Variants in TRIM8 observed in about 807,000 individuals in gnomAD.
TRIM8 encodes the protein E3 ubiquitin-protein ligase TRIM8.
In TRIM8, 9 loss-of-function variants were observed where a neutral mutation model predicts 55.7. That is an observed-to-expected ratio of 0.16 (90% confidence interval 0.10 to 0.28). The LOEUF is 0.28. Ranked by LOEUF, TRIM8 falls within the 10% of genes least tolerant of loss-of-function variation. The pLI, the probability that TRIM8 is intolerant of heterozygous loss-of-function variation, is 1.00. For missense variants in TRIM8, 556 were observed against 736.4 expected (o/e 0.76, Z 2.83); for synonymous variants, 335 against 333.3 (o/e 1.01, Z -0.06).
At chr10:102,645,406 C>T (rs1303307761) in intron 1 of TRIM8, 2 of 512,562 alleles carry the variant, frequency 3.9e-6, no homozygotes, top group East Asian at 3.4e-5. Flanking sequence ...CGCACAGGGT[C>T]CGTCTTCTGA....
rs201630301 is a variant in TRIM8, at chr10:102,657,312, G to C, written c.1614G>C (p.Arg538Ser). The C allele has an allele frequency of 6.2e-7, 1 of 1,609,982 alleles. No individual in the cohort carries two copies. Among genetic ancestry groups the C allele is most frequent in the East Asian group, 2.2e-5 (1 of 44,828 alleles). ...SQQPGHQDFY[R>S]VYGQPSTKHY... ...AGCCCGGCCACCAGGATTTCTACAGGGTGTATGGGCAGCCGTCCACCAAAC... is the reference window on the plus strand; with the variant it reads ...AGCCCGGCCACCAGGATTTCTACAGCGTGTATGGGCAGCCGTCCACCAAAC... Residue 538 changes from arginine to serine, a missense_variant, in exon 6 of 6, where the codon AGG (arginine) becomes AGC (serine). By Grantham distance (110) the Arg-to-Ser change is moderately radical. Transcript: ENST00000643721.
At chr10:102,654,784 T>G (rs2135983073) in intron 2 of TRIM8, 36 bp downstream of exon 2, 152 of 1,509,020 alleles carry the variant, frequency 1.0e-4, no homozygotes, top group Non-Finnish European at 1.3e-4. Context: ...GGGGTGGGGG[T>G]GGCTTGAGCG....
rs981532089 is a variant in TRIM8, at chr10:102,656,605, A to G, written c.1049-142A>G. 24 of 1,369,486 alleles carry G rather than the reference A, an allele frequency of 1.8e-5. No homozygotes were observed. In the African/African-American group the frequency reaches 2.3e-4, roughly 13 times the overall value. The allele number at this position is 1,369,486 out of a possible 1,614,324, so 84.8% of individuals were successfully genotyped here. On this transcript the variant is annotated intron_variant, in intron 5 of 5. Transcript: ENST00000643721. This position sits in a 1 kb window ranked among gnomAD's most constrained non-coding sequence, Gnocchi z 4.6. The stretch of plus-strand genomic sequence containing the variant: ...GGGATATAACTATTCTGTACCTCCT[A>G]ATGGTAGAGGAGCAAGCATCACCTG...
chr10:102,650,083 G>GGACT (rs2063972046), intron 1 of TRIM8, among the ~76,000 whole-genome samples: 1 of 151,828 alleles, frequency 6.6e-6, no homozygotes, highest in African/African-American at 2.4e-5. Context: ...GAAAACCTAG[G>GGACT]GACTGCCTCT....
At position 102,653,624 on chromosome 10, in the gene TRIM8, C is replaced by G. The variant is rs574313133; in HGVS notation, c.571-1029C>G. On this transcript the variant is annotated intron_variant, in intron 1 of 5. Transcript: ENST00000643721. Reference sequence around the variant, plus strand: ...ACTTTGGTCCAGCACCTTCCAGCAGCCTGGCCTCAGGTCTTAGGAGACCTC... The same window carrying G: ...ACTTTGGTCCAGCACCTTCCAGCAGGCTGGCCTCAGGTCTTAGGAGACCTC... The G allele has an allele frequency of 7.7e-4, 117 of 152,456 alleles. 1 individual carries two copies. The highest frequency in any genetic ancestry group is 2.2e-3 in the Admixed American group (33 of 15,290). The allele number at this position is 152,456 out of a possible 1,614,324, so 9.4% of individuals were successfully genotyped here. A position where few individuals can be genotyped will look rare whatever the true frequency, so the allele number is the denominator to read the frequency against.
chr10:102,655,254 A>C lies in TRIM8; in HGVS notation c.841A>C (p.Lys281Gln). The C allele has an allele frequency of 6.2e-7, 1 of 1,600,196 alleles. No homozygotes were observed. Among genetic ancestry groups the C allele is most frequent in the Non-Finnish European group, 8.5e-7 (1 of 1,176,464 alleles). The change falls in exon 3 of 6, where the codon AAG becomes CAG. Residue 281 changes from lysine to glutamine, a missense_variant. By Grantham distance (53) the Lys-to-Gln change is moderately conservative. Transcript: ENST00000643721. Reference protein sequence around the residue: ...HLGERMQEAKKLLGSLQLLFD... With the variant: ...HLGERMQEAKQLLGSLQLLFD... ...CGGGGAGCGCATGCAGGAGGCCAAG[A>C]AGCTGCTGGGCTCCCTGCAGCTGCT... is the stretch of plus-strand genomic sequence containing the variant.
chr10:102,648,194 C>G (rs2063951217), intron 1 of TRIM8, among the ~76,000 whole-genome samples: 3 of 152,138 alleles, frequency 2.0e-5, no homozygotes, highest in Admixed American at 6.5e-5. Context: ...CCTGAGTGGT[C>G]AGACCCCTCC....
At position 102,654,491 on chromosome 10, in the gene TRIM8, G is replaced by A. The variant is rs979171545; in HGVS notation, c.571-162G>A. On this transcript the variant is annotated intron_variant, in intron 1 of 5. Transcript: ENST00000643721. ...GGGAAGCTATTCTGGGGAGAGCTGG[G>A]AATAGGCCCCTGGGATTGGAGGGGG... 1.2e-5 allele frequency: 8 copies of A among 668,894 alleles called. 2 individuals are homozygous for A. In the South Asian group the frequency reaches 1.3e-4, roughly 10 times the overall value. 41.4% of individuals were successfully genotyped at this position (668,894 alleles called of 1,614,324 possible). A position where few individuals can be genotyped will look rare whatever the true frequency, so the allele number is the denominator to read the frequency against.
chr10:102,644,979 C>T lies in TRIM8; in HGVS notation c.362C>T (p.Thr121Met), dbSNP rs1184476198. 1.9e-6 allele frequency: 3 copies of T among 1,598,938 alleles called. No homozygotes were observed. The highest frequency in any genetic ancestry group is 2.6e-6 in the Non-Finnish European group (3 of 1,174,716). Reference protein sequence around the residue: ...EAPCCQSHVQTHLQQPSTARG... With the variant: ...EAPCCQSHVQMHLQQPSTARG... ...CCCTGCTGCCAGTCCCACGTGCAGA[C>T]GCACCTGCAGCAGCCCTCCACCGCC... The change falls in exon 1 of 6, where the codon ACG (threonine) becomes ATG (methionine). Residue 121 changes from threonine (T) to methionine (M), a missense_variant. This residue lies in a region of TRIM8 where 165 missense variants were observed against 295.3 expected (regional missense o/e 0.56). Transcript: ENST00000643721.
rs753033193 is a variant in TRIM8, at chr10:102,645,196, C to T, written c.570+9C>T. 1 of 1,526,238 alleles carries T rather than the reference C, an allele frequency of 6.6e-7. No individual in the cohort carries two copies. Among genetic ancestry groups the T allele is most frequent in the Non-Finnish European group, 8.7e-7 (1 of 1,143,720 alleles). The allele number at this position is 1,526,238 out of a possible 1,614,324, so 94.5% of individuals were successfully genotyped here. A position where few individuals can be genotyped will look rare whatever the true frequency, so the allele number is the denominator to read the frequency against. ...GAAGGAATGAAATCCGGGCAAGTAC[C>T]CTACGCGCGCGCGCGCACACACACA... On this transcript the variant is annotated intron_variant, in intron 1 of 5. Transcript: ENST00000643721.
rs1226058169 is a variant in TRIM8, at chr10:102,644,933, G to A, written c.316G>A (p.Val106Ile). The A allele has an allele frequency of 6.2e-7, 1 of 1,602,476 alleles. No homozygotes were observed. The highest frequency in any genetic ancestry group is 1.7e-5 in the Admixed American group (1 of 58,586). ...CGGCCCCCCGCTGCCCGCGCAGAAGGTCTGCCTGCGCTGCGAGGCGCCCTG... is the reference window on the plus strand; with the variant it reads ...CGGCCCCCCGCTGCCCGCGCAGAAGATCTGCCTGCGCTGCGAGGCGCCCTG... ...RRGPPLPAQK[V>I]CLRCEAPCCQ... Residue 106 changes from valine to isoleucine, a missense_variant, in exon 1 of 6, where the codon GTC becomes ATC. Val to Ile is a conservative substitution (Grantham distance 29). Transcript: ENST00000643721.
rs557692486 is a variant in TRIM8 at position 102,656,640 on chromosome 10, A to G, written c.1049-107A>G. On this transcript the variant is annotated intron_variant, in intron 5 of 5. Coordinates refer to ENST00000643721, the MANE Select transcript of TRIM8 (RefSeq NM_030912.3). This position sits in a 1 kb window ranked among gnomAD's most constrained non-coding sequence, Gnocchi z 4.6. ...GAGCAAGCATCACCTGAGATGTAACATTCTTGGGCCTCTAGGTGTCAATGG... is the reference window on the plus strand; with the variant it reads ...GAGCAAGCATCACCTGAGATGTAACGTTCTTGGGCCTCTAGGTGTCAATGG... 1.3e-5 allele frequency: 19 copies of G among 1,478,744 alleles called. 1 individual carries two copies. In the South Asian group the frequency reaches 2.5e-4, roughly 19 times the overall value. The allele number at this position is 1,478,744 out of a possible 1,614,324, so 91.6% of individuals were successfully genotyped here.
At position 102,645,204 on chromosome 10, in the gene TRIM8, C is replaced by T; in HGVS notation, c.570+17C>T. On this transcript the variant is annotated intron_variant, in intron 1 of 5. Coordinates refer to ENST00000643721, the MANE Select transcript of TRIM8 (RefSeq NM_030912.3). ...GAAATCCGGGCAAGTACCCTACGCG[C>T]GCGCGCGCACACACACACACACAGA... 2 of 1,518,978 alleles carry T rather than the reference C, an allele frequency of 1.3e-6. No homozygotes were observed. The highest frequency in any genetic ancestry group is 1.8e-6 in the Non-Finnish European group (2 of 1,140,390). 94.1% of individuals were successfully genotyped at this position (1,518,978 alleles called of 1,614,324 possible).
At chr10:102,654,491 GA>G in intron 1 of TRIM8, 161 bp from the exon 2 acceptor site, 1 of 669,012 alleles carries the variant, frequency 1.5e-6, no homozygotes, top group East Asian at 2.5e-5. Flanking sequence ...GGAGAGCTGG[GA>G]ATAGGCCCCT....
chr10:102,651,009 C>T (rs2063980132), intron 1 of TRIM8, among the ~76,000 whole-genome samples: 2 of 152,194 alleles, frequency 1.3e-5, no homozygotes, highest in Non-Finnish European at 2.9e-5. Flanking sequence ...CTCCCAGGCG[C>T]TGTCTGTAGC....
In TRIM8 at chr10:102,656,671, A is replaced by C; in HGVS notation, c.1049-76A>C. On this transcript the variant is annotated intron_variant, in intron 5 of 5. Transcript: ENST00000643721. The surrounding 1 kb of genome is among the most constrained non-coding windows in gnomAD (Gnocchi z 4.6). Reference sequence around the variant, plus strand: ...GGGCCTCTAGGTGTCAATGGTCCCCAGGTCCAACCCAGGGAGAGGAGGCCT... The same window carrying C: ...GGGCCTCTAGGTGTCAATGGTCCCCCGGTCCAACCCAGGGAGAGGAGGCCT... 6.6e-7 allele frequency: 1 copy of C among 1,505,034 alleles called. No individual in the cohort carries two copies. The highest frequency in any genetic ancestry group is 1.4e-5 in the South Asian group (1 of 72,954). The allele number at this position is 1,505,034 out of a possible 1,614,324, so 93.2% of individuals were successfully genotyped here.
chr10:102,655,444 G>C (rs1564721881), intron 3 of TRIM8, 131 bp downstream of exon 3: 1 of 860,176 alleles, frequency 1.2e-6, no homozygotes, highest in Admixed American at 2.9e-5. Context: ...AAATCCACCT[G>C]CCTGCTCTTT....
chr10:102,656,162 C>T lies in TRIM8; in HGVS notation c.932+25C>T, dbSNP rs201148508. ...GGTAAGCTGAGGGCCCTAGCCCTCC[C>T]GGGGGCACATCCTGGGGAGGGCAGG... On this transcript the variant is annotated intron_variant, in intron 4 of 5. Transcript: ENST00000643721. This position sits in a 1 kb window ranked among gnomAD's most constrained non-coding sequence, Gnocchi z 4.6. 6.9e-5 allele frequency: 111 copies of T among 1,614,086 alleles called. No homozygotes were observed. Among genetic ancestry groups the T allele is most frequent in the South Asian group, 4.7e-4 (43 of 91,086 alleles).
At position 102,649,485 on chromosome 10, in the gene TRIM8, G is replaced by A. The variant is rs372485861; in HGVS notation, c.570+4298G>A. Among the ~76,000 whole-genome samples the A allele has an allele frequency of 2.8e-3, 430 of 152,326 alleles. 3 individuals are homozygous for A. The highest frequency in any genetic ancestry group is 9.9e-3 in the African/African-American group (410 of 41,576). ...CAAGCCCGGCTTGGGCCCCTGCCCC[G>A]GGCCGAGCAGGCTGGCCTGGCTGGC... On this transcript the variant is annotated intron_variant, in intron 1 of 5. Transcript: ENST00000643721.
Sources: gnomAD v4.1 joint callset for allele counts (sites outside exome capture counted in the v4.1 genomes callset) on GRCh38, gnomAD v4.1.1 for gene constraint, gnomAD v4.1.1 regional missense constraint, Gnocchi (gnomAD v3.1) non-coding constraint, MANE v1.5 for transcripts, NCBI Gene and HGNC (gene_info 2026-07-23, HGNC 2026-07-21) for gene names.